The following RASSF10 variants were observed in gnomAD, a reference collection of about 807,000 sequenced individuals.
The protein encoded by RASSF10 is ras association domain-containing protein 10.
Under a neutral mutation model 41.5 loss-of-function variants are expected in RASSF10, and 22 were observed. The observed-to-expected ratio is 0.53, with a 90% confidence interval of 0.38 to 0.76. The LOEUF (loss-of-function observed/expected upper bound fraction) is 0.76, where lower values mean the gene tolerates loss of function less well. Among genes scored for constraint, RASSF10 ranks in the 30% least tolerant of loss-of-function variants. The pLI, the probability that RASSF10 is intolerant of heterozygous loss-of-function variation, is 0.00. For missense variants in RASSF10, 776 were observed against 711.8 expected, an observed-to-expected ratio of 1.09 and a Z score of -1.03; for synonymous variants, 364 against 319.0, an observed-to-expected ratio of 1.14 and a Z score of -1.50.
chr11:13,010,037 C>G lies in RASSF10; in HGVS notation c.461C>G (p.Pro154Arg). ...CGCGTAGTGCTGAGCCGAGAGCGCC[C>G]CTGTCCGGCCCGCGGGGCCCCGGCG... ...EARVVLSRER[P>R]CPARGAPARP... Residue 154 changes from proline (P) to arginine (R), a missense_variant, in exon 1 of 1, where the codon CCC becomes CGC. Pro to Arg is a moderately radical substitution (Grantham distance 103). Coordinates refer to ENST00000529419, the MANE Select transcript of RASSF10 (RefSeq NM_001080521.3). This position sits in a 1 kb window ranked among gnomAD's most constrained non-coding sequence, Gnocchi z 4.8. The G allele has an allele frequency of 1.3e-6, 2 of 1,544,868 alleles. No individual in the cohort carries two copies. Among genetic ancestry groups the G allele is most frequent in the Non-Finnish European group, 8.7e-7 (1 of 1,143,830 alleles).
chr11:13,010,558 G>A lies in RASSF10; in HGVS notation c.982G>A (p.Asp328Asn). The A allele has an allele frequency of 6.5e-7, 1 of 1,545,876 alleles. No homozygotes were observed. Among genetic ancestry groups the A allele is most frequent in the Middle Eastern group, 1.8e-4 (1 of 5,686 alleles). Residue 328 changes from aspartate to asparagine, a missense_variant, in exon 1 of 1, where the codon GAC becomes AAC. Coordinates refer to ENST00000529419, the MANE Select transcript of RASSF10 (RefSeq NM_001080521.3). The surrounding 1 kb of genome is among the most constrained non-coding windows in gnomAD (Gnocchi z 4.8). ...ALEELARRCD[D>N]LLRLQEQRVQ... ...GGAGGAGCTGGCCCGGCGCTGCGAC[G>A]ACTTGCTGCGGCTTCAGGAGCAACG...
Position 13,010,630 on chromosome 11 carries a change from G to A in RASSF10, c.1054G>A (p.Glu352Lys). The A allele has an allele frequency of 6.3e-7, 1 of 1,591,418 alleles. No homozygotes were observed. The highest frequency in any genetic ancestry group is 8.5e-7 in the Non-Finnish European group (1 of 1,169,794). The part of the protein sequence containing the change: ...LLERLSAEIQ[E>K]ELNQRWMRRR... ...GGAGCGCCTTTCAGCCGAGATTCAGGAGGAACTCAACCAGAGGTGGATGCG... is the reference window on the plus strand; with the variant it reads ...GGAGCGCCTTTCAGCCGAGATTCAGAAGGAACTCAACCAGAGGTGGATGCG... Residue 352 changes from glutamate (E) to lysine (K), a missense_variant, in exon 1 of 1, where the codon GAG becomes AAG. Physicochemically the swap from Glu to Lys is moderately conservative, Grantham distance 56. Transcript: ENST00000529419. This position sits in a 1 kb window ranked among gnomAD's most constrained non-coding sequence, Gnocchi z 4.8.
In RASSF10 at chr11:13,010,008, G is replaced by A. The variant is rs1949562903; in HGVS notation, c.432G>A (p.Glu144=). ...CTAACGCCGGCCCCCGCAGCGCCGA[G>A]GCGCGCGTAGTGCTGAGCCGAGAGC... ...SLPNAGPRSA[E]ARVVLSRERP... The change falls in exon 1 of 1, where the codon GAG becomes GAA. Residue 144 remains glutamate, a synonymous_variant. Transcript: ENST00000529419. This position sits in a 1 kb window ranked among gnomAD's most constrained non-coding sequence, Gnocchi z 4.8. 1.3e-6 allele frequency: 2 copies of A among 1,543,226 alleles called. No homozygotes were observed. The highest frequency in any genetic ancestry group is 1.2e-5 in the South Asian group (1 of 83,502).
rs779154460 is a variant in RASSF10, at chr11:13,009,856, G to A, written c.280G>A (p.Val94Met). Residue 94 changes from valine to methionine, a missense_variant, in exon 1 of 1, where the codon GTG becomes ATG. Coordinates refer to ENST00000529419, the MANE Select transcript of RASSF10 (RefSeq NM_001080521.3). ...CGGGCCCCCGCAGTGCTATTGCATC[G>A]TGGAGAAGTGGCGCGGCTTTGAGCG... ...LCGPPQCYCI[V>M]EKWRGFERIL... is the part of the protein sequence containing the mutation. The A allele has an allele frequency of 1.1e-5, 17 of 1,606,204 alleles. No individual in the cohort carries two copies. The highest frequency in any genetic ancestry group is 1.7e-5 in the Admixed American group (1 of 59,210).
rs1949572718 is a variant in RASSF10, at chr11:13,010,766, G to A, written c.1190G>A (p.Ser397Asn). The A allele has an allele frequency of 6.2e-7, 1 of 1,608,346 alleles. No individual in the cohort carries two copies. Among genetic ancestry groups the A allele is most frequent in the Admixed American group, 1.7e-5 (1 of 59,124 alleles). Residue 397 changes from serine to asparagine, a missense_variant, in exon 1 of 1, where the codon AGC becomes AAC. Ser to Asn is a conservative substitution (Grantham distance 46). Transcript: ENST00000529419. This position sits in a 1 kb window ranked among gnomAD's most constrained non-coding sequence, Gnocchi z 4.8. ...CGGGTCAGGACGCAGCTCAGTACCA[G>A]CCTTTACATTGGGCTGCGGCTCAAC... ...QERVRTQLST[S>N]LYIGLRLNTD...
At position 13,010,434 on chromosome 11, in the gene RASSF10, CG is replaced by C; in HGVS notation, c.861del (p.Ser288ProfsTer23). Reference sequence around the variant, plus strand: ...TGGTTGGGGCAGGCATCGAGCTCGACGGGTCCAGACCGGGAGAGGAGCCAGA... The same window carrying C: ...TGGTTGGGGCAGGCATCGAGCTCGACGGTCCAGACCGGGAGAGGAGCCAGA... ...YLVGAGIELD[G>X]SRPGEEPEEV... On this transcript the variant is annotated frameshift_variant, in exon 1 of 1. Coordinates refer to ENST00000529419, the MANE Select transcript of RASSF10 (RefSeq NM_001080521.3). LOFTEE classifies it high-confidence loss of function. The surrounding 1 kb of genome is among the most constrained non-coding windows in gnomAD (Gnocchi z 4.8). 1 of 1,542,356 alleles carries C rather than the reference CG, an allele frequency of 6.5e-7. No homozygotes were observed.
Position 13,010,925 on chromosome 11 carries a change from G to A in RASSF10, c.1349G>A (p.Gly450Asp), listed in dbSNP as rs1949574772. The part of the protein sequence containing the change: ...ELTVAPDGAP[G>D]SGSPSREPGP... ...ACGGTGGCACCGGATGGGGCTCCTG[G>A]CTCTGGCAGTCCCTCGCGGGAACCT... is the stretch of plus-strand genomic sequence containing the variant. The change falls in exon 1 of 1, where the codon GGC (glycine) becomes GAC (aspartate). Residue 450 changes from glycine to aspartate, a missense_variant. Transcript: ENST00000529419. The surrounding 1 kb of genome is among the most constrained non-coding windows in gnomAD (Gnocchi z 4.8). 3.1e-6 allele frequency: 5 copies of A among 1,613,758 alleles called. No individual in the cohort carries two copies. The highest frequency in any genetic ancestry group is 4.2e-6 in the Non-Finnish European group (5 of 1,179,872).
In RASSF10 at chr11:13,010,366, C is replaced by A. The variant is rs750653358; in HGVS notation, c.790C>A (p.Arg264Ser). Residue 264 changes from arginine to serine, a missense_variant, in exon 1 of 1, where the codon CGC (arginine) becomes AGC (serine). Transcript: ENST00000529419. This position sits in a 1 kb window ranked among gnomAD's most constrained non-coding sequence, Gnocchi z 4.8. ...CTACGAGGCCAAGGTGCACCTGGAC[C>A]GCATGCGGCGTCACGGGGTCAACTA... The part of the protein sequence containing the change: ...DHYEAKVHLD[R>S]MRRHGVNYVQ... 1 of 1,551,390 alleles carries A rather than the reference C, an allele frequency of 6.4e-7. No individual in the cohort carries two copies. The highest frequency in any genetic ancestry group is 1.2e-5 in the South Asian group (1 of 84,068).
At position 13,010,639 on chromosome 11, in the gene RASSF10, A is replaced by T; in HGVS notation, c.1063A>T (p.Asn355Tyr). 1 of 1,592,032 alleles carries T rather than the reference A, an allele frequency of 6.3e-7. No individual in the cohort carries two copies. Among genetic ancestry groups the T allele is most frequent in the Non-Finnish European group, 8.5e-7 (1 of 1,170,058 alleles). Residue 355 changes from asparagine (N) to tyrosine (Y), a missense_variant, in exon 1 of 1, where the codon AAC (asparagine) becomes TAC (tyrosine). By Grantham distance (143) the Asn-to-Tyr change is moderately radical. Transcript: ENST00000529419. This position sits in a 1 kb window ranked among gnomAD's most constrained non-coding sequence, Gnocchi z 4.8. ...RLSAEIQEEL[N>Y]QRWMRRRQEE... is the part of the protein sequence containing the mutation. ...TTCAGCCGAGATTCAGGAGGAACTC[A>T]ACCAGAGGTGGATGCGACGGCGCCA...
At position 13,010,983 on chromosome 11, in the gene RASSF10, C is replaced by T. The variant is rs1012100361; in HGVS notation, c.1407C>T (p.Asp469=). 6.2e-7 allele frequency: 1 copy of T among 1,613,526 alleles called. No homozygotes were observed. Among genetic ancestry groups the T allele is most frequent in the African/African-American group, 1.3e-5 (1 of 74,848 alleles). ...GPQACADMWV[D]QARGLAKSGP... The stretch of plus-strand genomic sequence containing the variant: ...AAGCCTGCGCCGACATGTGGGTGGA[C>T]CAGGCCCGTGGACTGGCCAAGAGCG... Residue 469 remains aspartate (D), a synonymous_variant, in exon 1 of 1, where the codon GAC becomes GAT. Transcript: ENST00000529419. This position sits in a 1 kb window ranked among gnomAD's most constrained non-coding sequence, Gnocchi z 4.8.
Position 13,010,605 on chromosome 11 carries a change from G to T in RASSF10, c.1029G>T (p.Leu343=). The change falls in exon 1 of 1, where the codon CTG becomes CTT. Residue 343 remains leucine (L), a synonymous_variant. Transcript: ENST00000529419. The surrounding 1 kb of genome is among the most constrained non-coding windows in gnomAD (Gnocchi z 4.8). The part of the protein sequence containing the change: ...QEQRVQQEEL[L]ERLSAEIQEE... ...AACGGGTTCAGCAGGAGGAGTTGCT[G>T]GAGCGCCTTTCAGCCGAGATTCAGG... 6.3e-7 allele frequency: 1 copy of T among 1,583,072 alleles called. No individual in the cohort carries two copies. Among genetic ancestry groups the T allele is most frequent in the East Asian group, 2.3e-5 (1 of 43,250 alleles).
chr11:13,009,844 T>A lies in RASSF10; in HGVS notation c.268T>A (p.Cys90Ser), dbSNP rs1949560254. 3.1e-6 allele frequency: 5 copies of A among 1,606,710 alleles called. No homozygotes were observed. The African/African-American group carries it at 4.0e-5, about 13-fold the overall frequency. ...PQGMLCGPPQCYCIVEKWRGF... is the reference protein window; with the variant it reads ...PQGMLCGPPQSYCIVEKWRGF... ...GGGCATGCTGTGCGGGCCCCCGCAGTGCTATTGCATCGTGGAGAAGTGGCG... is the reference window on the plus strand; with the variant it reads ...GGGCATGCTGTGCGGGCCCCCGCAGAGCTATTGCATCGTGGAGAAGTGGCG... Residue 90 changes from cysteine to serine, a missense_variant, in exon 1 of 1, where the codon TGC (cysteine) becomes AGC (serine). Cys to Ser is a moderately radical substitution (Grantham distance 112). Transcript: ENST00000529419.
At position 13,010,801 on chromosome 11, in the gene RASSF10, G is replaced by A. The variant is rs774318419; in HGVS notation, c.1225G>A (p.Glu409Lys). ...YIGLRLNTDL[E>K]AVKSDLDYSQ... ...TGGGCTGCGGCTCAACACGGACCTA[G>A]AGGCCGTCAAGTCGGACTTGGATTA... The change falls in exon 1 of 1, where the codon GAG (glutamate) becomes AAG (lysine). Residue 409 changes from glutamate (E) to lysine (K), a missense_variant. Transcript: ENST00000529419. The surrounding 1 kb of genome is among the most constrained non-coding windows in gnomAD (Gnocchi z 4.8). The A allele has an allele frequency of 3.1e-6, 5 of 1,613,286 alleles. No individual in the cohort carries two copies. The African/African-American group carries it at 5.3e-5, about 17-fold the overall frequency.
Position 13,010,437 on chromosome 11 carries a change from G to A in RASSF10, c.861G>A (p.Gly287=). 2 of 1,543,080 alleles carry A rather than the reference G, an allele frequency of 1.3e-6. No homozygotes were observed. Among genetic ancestry groups the A allele is most frequent in the Non-Finnish European group, 1.8e-6 (2 of 1,141,596 alleles). ...YLVGAGIELD[G]SRPGEEPEEV... ...TTGGGGCAGGCATCGAGCTCGACGG[G>A]TCCAGACCGGGAGAGGAGCCAGAAG... The change falls in exon 1 of 1, where the codon GGG becomes GGA. Residue 287 remains glycine, a synonymous_variant. Coordinates refer to ENST00000529419, the MANE Select transcript of RASSF10 (RefSeq NM_001080521.3). The surrounding 1 kb of genome is among the most constrained non-coding windows in gnomAD (Gnocchi z 4.8).
In RASSF10 at chr11:13,010,784, G is replaced by A. The variant is rs1384812045; in HGVS notation, c.1208G>A (p.Arg403Gln). 4 of 1,611,332 alleles carry A rather than the reference G, an allele frequency of 2.5e-6. No homozygotes were observed. In the South Asian group the frequency reaches 3.3e-5, roughly 13 times the overall value. Reference protein sequence around the residue: ...QLSTSLYIGLRLNTDLEAVKS... With the variant: ...QLSTSLYIGLQLNTDLEAVKS... Reference sequence around the variant, plus strand: ...AGTACCAGCCTTTACATTGGGCTGCGGCTCAACACGGACCTAGAGGCCGTC... The same window carrying A: ...AGTACCAGCCTTTACATTGGGCTGCAGCTCAACACGGACCTAGAGGCCGTC... Residue 403 changes from arginine to glutamine, a missense_variant, in exon 1 of 1, where the codon CGG (arginine) becomes CAG (glutamine). Coordinates refer to ENST00000529419, the MANE Select transcript of RASSF10 (RefSeq NM_001080521.3). The surrounding 1 kb of genome is among the most constrained non-coding windows in gnomAD (Gnocchi z 4.8).
chr11:13,010,747 A>G lies in RASSF10; in HGVS notation c.1171A>G (p.Arg391Gly). The change falls in exon 1 of 1, where the codon AGG becomes GGG. Residue 391 changes from arginine (R) to glycine (G), a missense_variant. Arg to Gly is a moderately radical substitution (Grantham distance 125, BLOSUM62 -2). Coordinates refer to ENST00000529419, the MANE Select transcript of RASSF10 (RefSeq NM_001080521.3). The surrounding 1 kb of genome is among the most constrained non-coding windows in gnomAD (Gnocchi z 4.8). ...GCTGCTGCTGGAGCAGGAACGGGTC[A>G]GGACGCAGCTCAGTACCAGCCTTTA... is the stretch of plus-strand genomic sequence containing the variant. The part of the protein sequence containing the change: ...GELLLEQERV[R>G]TQLSTSLYIG... 1 of 1,603,352 alleles carries G rather than the reference A, an allele frequency of 6.2e-7. No homozygotes were observed. The highest frequency in any genetic ancestry group is 8.5e-7 in the Non-Finnish European group (1 of 1,175,138).
rs779903426 is a variant in RASSF10 at position 13,009,690 on chromosome 11, C to T, written c.114C>T (p.Asp38=). Reference sequence around the variant, plus strand: ...ACGTTGTGCGAGTGCTTTTGGAGGACGGCTGCCGGCGGCGACGGAGACAGC... The same window carrying T: ...ACGTTGTGCGAGTGCTTTTGGAGGATGGCTGCCGGCGGCGACGGAGACAGC... The part of the protein sequence containing the change: ...CSDVVRVLLE[D]GCRRRRRQRR... The change falls in exon 1 of 1, where the codon GAC becomes GAT. Residue 38 remains aspartate, a synonymous_variant. Coordinates refer to ENST00000529419, the MANE Select transcript of RASSF10 (RefSeq NM_001080521.3). 4.4e-6 allele frequency: 7 copies of T among 1,594,208 alleles called. No homozygotes were observed. Among genetic ancestry groups the T allele is most frequent in the Non-Finnish European group, 6.0e-6 (7 of 1,170,782 alleles).
rs1949554879 is a variant in RASSF10, at chr11:13,009,441, G to A, written c.-136G>A. ...TTCCAGCCTGCCTTCGGTGCGCAGC[G>A]GGGGAACAGGGCTAGTGCAGCCGCC... On this transcript the variant is annotated 5_prime_UTR_variant, in exon 1 of 1. Transcript: ENST00000529419. 2 of 1,493,948 alleles carry A rather than the reference G, an allele frequency of 1.3e-6. No homozygotes were observed. The highest frequency in any genetic ancestry group is 1.8e-6 in the Non-Finnish European group (2 of 1,123,280). 92.5% of individuals were successfully genotyped at this position (1,493,948 alleles called of 1,614,324 possible). A position where few individuals can be genotyped will look rare whatever the true frequency, so the allele number is the denominator to read the frequency against.
chr11:13,009,597 G>A lies in RASSF10; in HGVS notation c.21G>A (p.Lys7=). 3.1e-6 allele frequency: 5 copies of A among 1,611,160 alleles called. No homozygotes were observed. In the Admixed American group the frequency reaches 6.7e-5, roughly 22 times the overall value. The change falls in exon 1 of 1, where the codon AAG becomes AAA. Residue 7 remains lysine (K), a synonymous_variant. Transcript: ENST00000529419. MDPSEK[K]ISVWICQEEK... is the part of the protein sequence containing the mutation. ...GCGCCATGGATCCTTCGGAAAAGAAGATATCGGTGTGGATCTGCCAGGAAG... is the reference window on the plus strand; with the variant it reads ...GCGCCATGGATCCTTCGGAAAAGAAAATATCGGTGTGGATCTGCCAGGAAG...
Sources: gnomAD v4.1 joint callset for allele counts on GRCh38, gnomAD v4.1.1 for gene constraint, Gnocchi (gnomAD v3.1) non-coding constraint, MANE v1.5 for transcripts, NCBI Gene and HGNC (gene_info 2026-07-23, HGNC 2026-07-21) for gene names.